The following CDK19 variants were observed in gnomAD, a reference collection of about 807,000 sequenced individuals.
CDK19 encodes the protein cyclin dependent kinase 19, also known as cyclin-dependent kinase 19.
CDK19 carries 20 observed loss-of-function variants against 68.3 expected under a neutral mutation model. The observed-to-expected ratio is 0.29, with a 90% CI of 0.21 to 0.43. The LOEUF is 0.43. CDK19 is among the 20% of genes least tolerant of loss of function. The pLI, the probability that CDK19 is intolerant of heterozygous loss-of-function variation, is 1.00. For missense variants in CDK19, 339 were observed against 623.5 expected (o/e 0.54, Z 4.86); for synonymous variants, 221 against 222.8 (o/e 0.99, Z 0.07).
At chr6:110,791,380 T>C (rs1052577080) in intron 1 of CDK19, among the ~76,000 whole-genome samples, 7 of 152,000 alleles carry the variant, frequency 4.6e-5, no homozygotes, top group African/African-American at 1.7e-4. Context: ...ATTAAAGATA[T>C]TATTGATGGA....
chr6:110,742,553 T>G (rs914795045), intron 2 of CDK19, among the ~76,000 whole-genome samples: 1 of 152,162 alleles, frequency 6.6e-6, no homozygotes, highest in African/African-American at 2.4e-5. Flanking sequence ...AGAGAGCCTA[T>G]AAACGGACGT....
chr6:110,632,043 A>G lies in CDK19; in HGVS notation c.633T>C (p.Tyr211=), dbSNP rs1194921226. Residue 211 remains tyrosine, a synonymous_variant, in exon 6 of 13, where the codon TAT becomes TAC. Coordinates refer to ENST00000368911, the MANE Select transcript of CDK19 (RefSeq NM_015076.5). The part of the protein sequence containing the change: ...APELLLGARH[Y]TKAIDIWAIG... ...AGACCAACTTACCAATGGCCTTTGT[A>G]TAATGCCTTGCACCAAGCAAAAGTT... The G allele has an allele frequency of 6.2e-7, 1 of 1,609,358 alleles. No homozygotes were observed. The highest frequency in any genetic ancestry group is 2.2e-5 in the East Asian group (1 of 44,836).
intron 2 of CDK19, among the ~76,000 whole-genome samples, chr6:110,682,044 A>G (rs923927365): frequency 1.7e-4 from 26 of 152,216 alleles, no homozygotes; most frequent in African/African-American, 5.3e-4. Flanking sequence ...ATTTTTATGT[A>G]TACATCTTTC....
chr6:110,715,373 T>C (rs1305749888), intron 2 of CDK19, among the ~76,000 whole-genome samples: 3 of 152,230 alleles, frequency 2.0e-5, no homozygotes, highest in Admixed American at 2.0e-4. Context: ...CACTCCTATA[T>C]TTAAGGCGCT....
At chr6:110,798,668 A>G (rs1156774897) in intron 1 of CDK19, among the ~76,000 whole-genome samples, 1 of 150,900 alleles carries the variant, frequency 6.6e-6, no homozygotes, top group African/African-American at 2.4e-5. Context: ...GAAACTTCCC[A>G]GGAACAACAA....
At chr6:110,780,553 C>T (rs1780739577) in intron 1 of CDK19, among the ~76,000 whole-genome samples, 1 of 151,882 alleles carries the variant, frequency 6.6e-6, no homozygotes, top group Admixed American at 6.6e-5. Context: ...CATTTTTCTT[C>T]CAAAACAAAC....
chr6:110,670,262 T>G (rs765524027), intron 3 of CDK19, among the ~76,000 whole-genome samples, 169 bp downstream of exon 3: 1 of 150,926 alleles, frequency 6.6e-6, no homozygotes, highest in Non-Finnish European at 1.5e-5. Flanking sequence ...CAGTAAAATG[T>G]GAGTTTATTG....
At chr6:110,788,748 CT>C (rs371692053) in intron 1 of CDK19, among the ~76,000 whole-genome samples, 6 of 151,476 alleles carry the variant, frequency 4.0e-5, no homozygotes, top group East Asian at 3.9e-4. Context: ...ATTTCTTTTT[CT>C]TTTTTTTTAT....
Position 110,621,040 on chromosome 6 carries a change from G to C in CDK19, c.1377+64C>G. The C allele has an allele frequency of 6.8e-7, 1 of 1,461,764 alleles. No individual in the cohort carries two copies. The highest frequency in any genetic ancestry group is 1.4e-5 in the African/African-American group (1 of 71,218). 90.5% of individuals were successfully genotyped at this position (1,461,764 alleles called of 1,614,324 possible). A position where few individuals can be genotyped will look rare whatever the true frequency, so the allele number is the denominator to read the frequency against. On this transcript the variant is annotated intron_variant, in intron 12 of 12. Coordinates refer to ENST00000368911, the MANE Select transcript of CDK19 (RefSeq NM_015076.5). This position sits in a 1 kb window ranked among gnomAD's most constrained non-coding sequence, Gnocchi z 5.4. ...AGTTAAGTGTTACTTAACTCTAAAA[G>C]GATCTAGGATAAATCTTTTCCCCAC...
intron 2 of CDK19, among the ~76,000 whole-genome samples, chr6:110,684,224 T>C (rs1772256764): frequency 6.6e-6 from 1 of 152,108 alleles, no homozygotes; most frequent in African/African-American, 2.4e-5. Flanking sequence ...ACCCTCCTTG[T>C]CAAAAACCTT....
chr6:110,796,131 G>A (rs1781921228), intron 1 of CDK19, among the ~76,000 whole-genome samples: 1 of 152,122 alleles, frequency 6.6e-6, no homozygotes, highest in Non-Finnish European at 1.5e-5. Flanking sequence ...GAGGTCAAGA[G>A]ATCGAGACCA....
intron 2 of CDK19, among the ~76,000 whole-genome samples, chr6:110,673,760 T>C (rs2114467853): frequency 1.3e-5 from 2 of 152,286 alleles, no homozygotes; most frequent in Non-Finnish European, 2.9e-5. Flanking sequence ...TAATATTTCT[T>C]GTTCTTTTTT....
intron 2 of CDK19, among the ~76,000 whole-genome samples, chr6:110,734,513 G>A (rs141668634): frequency 2.4e-5 from 1 of 42,330 alleles, no homozygotes; most frequent in African/African-American, 6.6e-5. Flanking sequence ...CTAAGAGGGT[G>A]AGCACTGCTC....
intron 4 of CDK19, chr6:110,646,043 A>G: frequency 1.1e-6 from 1 of 918,884 alleles, no homozygotes; most frequent in Non-Finnish European, 1.7e-6. Context: ...CCATCTACGA[A>G]GCTATCCCTT....
chr6:110,710,251 A>C (rs1272315726), intron 2 of CDK19, among the ~76,000 whole-genome samples: 1 of 152,200 alleles, frequency 6.6e-6, no homozygotes, highest in Admixed American at 6.5e-5. Context: ...GCTTTGTCGA[A>C]GTGTCAAGAC....
intron 4 of CDK19, among the ~76,000 whole-genome samples, chr6:110,645,422 G>A (rs1349725906): frequency 6.6e-6 from 1 of 152,062 alleles, no homozygotes; most frequent in Non-Finnish European, 1.5e-5. Flanking sequence ...GTACTTACAA[G>A]GAAAATGTAT....
rs112731357 is a variant in CDK19 at position 110,684,218 on chromosome 6, T to G, written c.205-13677A>C. ...TTAAGTAAACTTTTGCTTGCAACCC[T>G]CCTTGTCAAAAACCTTCCTACCTTG... On this transcript the variant is annotated intron_variant, in intron 2 of 12. Coordinates refer to ENST00000368911, the MANE Select transcript of CDK19 (RefSeq NM_015076.5). 6.1e-3 allele frequency among the ~76,000 whole-genome samples: 922 copies of G among 152,174 alleles called. 12 individuals are homozygous for G. The highest frequency in any genetic ancestry group is 0.021 in the African/African-American group (887 of 41,520).
At chr6:110,690,708 A>G (rs565628578) in intron 2 of CDK19, among the ~76,000 whole-genome samples, 11 of 152,306 alleles carry the variant, frequency 7.2e-5, no homozygotes, top group Admixed American at 6.5e-4. Flanking sequence ...CACTGAGCAC[A>G]TTGCTACTAC....
At position 110,614,376 on chromosome 6, in the gene CDK19, G is replaced by T; in HGVS notation, c.*159C>A. ...ATCTTCTTTAAGTCAATAAAGAAGA[G>T]CTATCAGTCCTGCACAATGCTCAGT... On this transcript the variant is annotated 3_prime_UTR_variant, in exon 13 of 13. Coordinates refer to ENST00000368911, the MANE Select transcript of CDK19 (RefSeq NM_015076.5). 1.9e-6 allele frequency: 1 copy of T among 517,528 alleles called. No homozygotes were observed. Among genetic ancestry groups the T allele is most frequent in the Non-Finnish European group, 3.3e-6 (1 of 303,980 alleles). 32.1% of individuals were successfully genotyped at this position (517,528 alleles called of 1,614,324 possible).
Sources: allele counts gnomAD v4.1 joint callset (sites outside exome capture counted in the v4.1 genomes callset), GRCh38; gene constraint gnomAD v4.1.1; non-coding constraint Gnocchi (gnomAD v3.1); transcripts MANE v1.5; gene names NCBI Gene and HGNC (gene_info 2026-07-23, HGNC 2026-07-21).